The following RAD51B variants were observed in gnomAD, a reference collection of about 807,000 sequenced individuals.
RAD51B encodes the protein RAD51 paralog B.
RAD51B carries 38 observed loss-of-function variants against 42.2 expected under a neutral mutation model. The observed-to-expected ratio is 0.90, with a 90% CI of 0.70 to 1.18. The LOEUF is 1.18. Among genes scored for constraint, RAD51B ranks in the 50% most tolerant of loss-of-function variants. The pLI, the probability that RAD51B is intolerant of heterozygous loss-of-function variation, is 0.00. For synonymous variants in RAD51B, 154 were observed against 145.2 expected (o/e 1.06, Z -0.43); for missense variants, 373 against 400.7 (o/e 0.93, Z 0.59).
rs139123935 is a variant in RAD51B, at chr14:68,215,676, A to G, written c.757-76208A>G. 3.9e-5 allele frequency among the ~76,000 whole-genome samples: 6 copies of G among 152,334 alleles called. No individual in the cohort carries two copies. In the East Asian group the frequency reaches 1.2e-3, roughly 29 times the overall value. ...CTAGGTTGTTACCACTGGAGAGGTT[A>G]TGAACGTGCCCAAAGGCACTGGCTG... On this transcript the variant is annotated intron_variant, in intron 7 of 10. Coordinates refer to ENST00000471583, the MANE Select transcript of RAD51B (RefSeq NM_133510.4).
chr14:68,202,480 T>A (rs2079506023), intron 7 of RAD51B, among the ~76,000 whole-genome samples: 1 of 152,184 alleles, frequency 6.6e-6, no homozygotes, highest in Non-Finnish European at 1.5e-5. Flanking sequence ...CTGAATCCTT[T>A]GTTGTCATTT....
At chr14:68,513,884 G>A (rs1001136200) in intron 10 of RAD51B, among the ~76,000 whole-genome samples, 1 of 152,184 alleles carries the variant, frequency 6.6e-6, no homozygotes, top group African/African-American at 2.4e-5. Flanking sequence ...GCAACATGGG[G>A]CTTGTGGCTA....
chr14:68,533,034 T>C (rs1887408551), intron 10 of RAD51B, among the ~76,000 whole-genome samples: 1 of 152,092 alleles, frequency 6.6e-6, no homozygotes, highest in Non-Finnish European at 1.5e-5. Context: ...TATTACTCAA[T>C]ATCATTCTGG....
chr14:68,088,308 G>T (rs1184297000), intron 7 of RAD51B, among the ~76,000 whole-genome samples: 2 of 151,662 alleles, frequency 1.3e-5, no homozygotes, highest in Admixed American at 1.3e-4. Context: ...ACTTTTTAAG[G>T]TATATGGAAA....
chr14:67,872,988 A>G lies in RAD51B; in HGVS notation c.452+7849A>G, dbSNP rs961636337. Among the ~76,000 whole-genome samples the G allele has an allele frequency of 5.2e-4, 79 of 152,364 alleles. 1 individual carries two copies. The highest frequency in any genetic ancestry group is 1.1e-3 in the Non-Finnish European group (75 of 68,042). The stretch of plus-strand genomic sequence containing the variant: ...TAAGACCTAAAACCATAAAAACCCT[A>G]GAAGAAAACCTAGGCATTACCATTC... On this transcript the variant is annotated intron_variant, in intron 5 of 10. Transcript: ENST00000471583.
At chr14:68,605,106 A>G (rs61987062) in intron 10 of RAD51B, among the ~76,000 whole-genome samples, 25,173 of 152,102 alleles carry the variant, frequency 0.17, 2,317 homozygotes, top group Non-Finnish European at 0.21. Context: ...GTTTCTTATA[A>G]GGCTGACTTG....
chr14:68,046,516 A>G lies in RAD51B; in HGVS notation c.756+159312A>G, dbSNP rs1023233127. The stretch of plus-strand genomic sequence containing the variant: ...CACTTTGGGAGGCCGAGGCTGGTGG[A>G]TTGCTTGAACCCAGGAATTGGAGGC... On this transcript the variant is annotated intron_variant, in intron 7 of 10. Transcript: ENST00000471583. Among the ~76,000 whole-genome samples the G allele has an allele frequency of 2.6e-5, 4 of 152,190 alleles. No individual in the cohort carries two copies. The South Asian group carries it at 6.2e-4, about 24-fold the overall frequency.
intron 3 of RAD51B, among the ~76,000 whole-genome samples, chr14:67,832,361 C>T (rs1438735979): frequency 1.3e-5 from 2 of 152,014 alleles, no homozygotes; most frequent in Admixed American, 6.5e-5. Flanking sequence ...AGTATACATG[C>T]CAATTTTATA....
downstream of RAD51B, among the ~76,000 whole-genome samples, chr14:68,483,072 T>C (rs1883329209): frequency 6.7e-6 from 1 of 148,224 alleles, no homozygotes. Context: ...GAGAGAGAGA[T>C]TGAGCACTGA....
At chr14:68,307,331 T>A (rs1230454402) in intron 8 of RAD51B, among the ~76,000 whole-genome samples, 1 of 152,182 alleles carries the variant, frequency 6.6e-6, no homozygotes, top group Non-Finnish European at 1.5e-5. Context: ...TAATTATATG[T>A]CAGAGAAAAG....
intron 7 of RAD51B, among the ~76,000 whole-genome samples, chr14:68,262,349 C>T (rs766390186): frequency 3.9e-5 from 6 of 152,096 alleles, no homozygotes; most frequent in Admixed American, 6.6e-5. Flanking sequence ...ACCCTTGTAG[C>T]CCCTGTCACC....
At chr14:67,959,395 C>T (rs1196232056) in intron 7 of RAD51B, among the ~76,000 whole-genome samples, 9 of 151,942 alleles carry the variant, frequency 5.9e-5, no homozygotes, top group African/African-American at 9.7e-5. Context: ...TACAGGCGCC[C>T]GCCACCACGC....
At chr14:67,964,808 G>C (rs1222340141) in intron 7 of RAD51B, among the ~76,000 whole-genome samples, 1 of 152,154 alleles carries the variant, frequency 6.6e-6, no homozygotes, top group African/African-American at 2.4e-5. Context: ...ACCGCAGGTT[G>C]CTCTTAGTAA....
At chr14:68,096,830 C>G (rs553797879) in intron 7 of RAD51B, among the ~76,000 whole-genome samples, 46 of 151,488 alleles carry the variant, frequency 3.0e-4, no homozygotes, top group Non-Finnish European at 6.3e-4. Context: ...GCCAGTCTTA[C>G]TCCTGGCATT....
intron 7 of RAD51B, among the ~76,000 whole-genome samples, chr14:67,982,249 T>C (rs1249199381): frequency 1.3e-5 from 2 of 152,156 alleles, no homozygotes; most frequent in African/African-American, 4.8e-5. Context: ...TTGTACACTT[T>C]AAATATGTGC....
At chr14:67,852,371 C>A (rs914337312) in intron 4 of RAD51B, among the ~76,000 whole-genome samples, 4 of 152,210 alleles carry the variant, frequency 2.6e-5, no homozygotes, top group Non-Finnish European at 5.9e-5. Flanking sequence ...ACTCGGGGAT[C>A]CAAGGTTGGT....
In RAD51B at chr14:68,408,387, T is replaced by G. The variant is rs148855761; in HGVS notation, c.854-3037T>G. On this transcript the variant is annotated intron_variant, in intron 8 of 10. Transcript: ENST00000471583. ...GAGCTTGCTTTGATGATACTGAATT[T>G]GCAGTGCTAAAATTTATGATGTAGA... is the stretch of plus-strand genomic sequence containing the variant. Among the ~76,000 whole-genome samples, 509 of 152,340 alleles carry G rather than the reference T, an allele frequency of 3.3e-3. 3 individuals are homozygous for G. The highest frequency in any genetic ancestry group is 5.8e-3 in the Non-Finnish European group (396 of 68,030).
chr14:68,668,428 T>TC (rs1222844574), intron 11 of RAD51B, among the ~76,000 whole-genome samples: 1 of 152,134 alleles, frequency 6.6e-6, no homozygotes, highest in Non-Finnish European at 1.5e-5. Flanking sequence ...CTTCCCGGCC[T>TC]CCCCTGCCGT....
chr14:68,242,380 A>G (rs2141004586), intron 7 of RAD51B, among the ~76,000 whole-genome samples: 1 of 152,334 alleles, frequency 6.6e-6, no homozygotes, highest in East Asian at 1.9e-4. Context: ...AATAGAAGCT[A>G]CTAACACATC....
Sources: gnomAD v4.1 joint callset for allele counts (sites outside exome capture counted in the v4.1 genomes callset) on GRCh38, gnomAD v4.1.1 for gene constraint, MANE v1.5 for transcripts, NCBI Gene and HGNC (gene_info 2026-07-23, HGNC 2026-07-21) for gene names.